GALNTL6: variants seen among roughly 807,000 people sequenced by gnomAD.
GALNTL6 encodes the protein polypeptide N-acetylgalactosaminyltransferase-like 6.
A neutral mutation model predicts 73.7 loss-of-function variants in GALNTL6; 46 were observed. The observed-to-expected ratio is 0.62, with a 90% confidence interval of 0.49 to 0.80. The LOEUF is 0.80. Ranked by LOEUF, GALNTL6 falls within the 30% of genes least tolerant of loss-of-function variation. The pLI is 0.00. For missense variants in GALNTL6, 604 were observed against 755.0 expected (o/e 0.80, Z 2.34); for synonymous variants, 259 against 263.7 (o/e 0.98, Z 0.17).
At chr4:172,800,313 G>T (rs934838755) in intron 5 of GALNTL6, among the ~76,000 whole-genome samples, 1 of 152,124 alleles carries the variant, frequency 6.6e-6, no homozygotes. Flanking sequence ...GTGAAATGAA[G>T]AAGTGATCTA....
chr4:172,355,615 A>G (rs574763688), intron 5 of GALNTL6, among the ~76,000 whole-genome samples: 1 of 152,272 alleles, frequency 6.6e-6, no homozygotes, highest in Admixed American at 6.5e-5. Context: ...GAAATAAGCA[A>G]AACATACTAT....
chr4:172,655,268 G>A (rs1730919732), intron 5 of GALNTL6, among the ~76,000 whole-genome samples: 1 of 152,070 alleles, frequency 6.6e-6, no homozygotes, highest in South Asian at 2.1e-4. Context: ...TGTTGTGTGT[G>A]TGCCTTTAAG....
At chr4:172,668,001 T>C (rs1731763602) in intron 5 of GALNTL6, 1 of 152,226 alleles carries the variant, frequency 6.6e-6, no homozygotes, top group Admixed American at 6.5e-5. Context: ...CTACTTATGA[T>C]AGCCTTCCCT....
chr4:171,984,589 G>A (rs1740009767), intron 2 of GALNTL6, among the ~76,000 whole-genome samples: 1 of 152,148 alleles, frequency 6.6e-6, no homozygotes, highest in African/African-American at 2.4e-5. Context: ...CCGCTCTGGA[G>A]TTTCTAAGTC....
chr4:172,318,009 A>G (rs1362363813), intron 4 of GALNTL6, among the ~76,000 whole-genome samples: 1 of 152,226 alleles, frequency 6.6e-6, no homozygotes, highest in East Asian at 1.9e-4. Flanking sequence ...AGCCTAGGGC[A>G]CATCTAAATA....
chr4:171,815,793 A>G (rs893269859), intron 2 of GALNTL6, among the ~76,000 whole-genome samples: 3 of 152,188 alleles, frequency 2.0e-5, no homozygotes, highest in Non-Finnish European at 2.9e-5. Context: ...TACTTAATGA[A>G]GTTTAATTTT....
chr4:172,559,128 G>A (rs1239532250), intron 5 of GALNTL6, among the ~76,000 whole-genome samples: 10 of 119,954 alleles, frequency 8.3e-5, no homozygotes, highest in African/African-American at 2.2e-4. Context: ...GTGCAGTCGC[G>A]ATCTCGGCTC....
intron 2 of GALNTL6, among the ~76,000 whole-genome samples, chr4:172,084,317 T>C (rs1178916038): frequency 1.3e-5 from 2 of 152,086 alleles, no homozygotes; most frequent in Non-Finnish European, 2.9e-5. Flanking sequence ...AGAATGCTGG[T>C]AAGAGGGAAA....
At chr4:173,010,637 C>A (rs1752506827) in intron 11 of GALNTL6, among the ~76,000 whole-genome samples, 1 of 151,816 alleles carries the variant, frequency 6.6e-6, no homozygotes, top group African/African-American at 2.4e-5. Context: ...GCTCTGTCAC[C>A]AGGCTGGAGT....
At chr4:172,142,678 A>G (rs1057373572) in intron 2 of GALNTL6, among the ~76,000 whole-genome samples, 3 of 152,174 alleles carry the variant, frequency 2.0e-5, no homozygotes, top group South Asian at 2.1e-4. Flanking sequence ...CATACCAATG[A>G]GTAATACTTT....
At chr4:172,693,907 A>G (rs1733484398) in intron 5 of GALNTL6, among the ~76,000 whole-genome samples, 1 of 152,224 alleles carries the variant, frequency 6.6e-6, no homozygotes, top group South Asian at 2.1e-4. Context: ...TTATTCAGTT[A>G]TAATGTAGTG....
chr4:172,008,793 TCCTTATGCAGAGCA>T (rs1740912126), intron 2 of GALNTL6, among the ~76,000 whole-genome samples: 1 of 152,090 alleles, frequency 6.6e-6, no homozygotes, highest in East Asian at 1.9e-4. Context: ...GCTTTCCACA[TCCTTATGCAGAGCA>T]AATCAACCCA....
intron 10 of GALNTL6, among the ~76,000 whole-genome samples, chr4:172,993,263 G>A (rs1162109397): frequency 1.3e-5 from 2 of 152,218 alleles, no homozygotes; most frequent in Non-Finnish European, 2.9e-5. Flanking sequence ...ACAGAGAAAA[G>A]GCTATGTAGG....
At chr4:172,175,366 T>G (rs1734957639) in intron 2 of GALNTL6, among the ~76,000 whole-genome samples, 1 of 152,074 alleles carries the variant, frequency 6.6e-6, no homozygotes. Context: ...CAAAGTGCTG[T>G]AATTATAGGT....
intron 2 of GALNTL6, among the ~76,000 whole-genome samples, chr4:171,822,981 A>G (rs768891188): frequency 3.9e-5 from 6 of 152,168 alleles, no homozygotes; most frequent in Admixed American, 1.3e-4. Flanking sequence ...AGGTTCTTCT[A>G]TATAACTGAA....
intron 5 of GALNTL6, among the ~76,000 whole-genome samples, chr4:172,763,004 CAA>C (rs66834819): frequency 2.7e-5 from 4 of 148,306 alleles, no homozygotes; most frequent in East Asian, 2.0e-4. Flanking sequence ...TCATTGCAGA[CAA>C]AAAAAAAAAT....
intron 2 of GALNTL6, among the ~76,000 whole-genome samples, chr4:172,042,344 C>A (rs935149939): frequency 1.3e-5 from 2 of 152,018 alleles, no homozygotes; most frequent in East Asian, 1.9e-4. Flanking sequence ...AGATACTGAC[C>A]TTGATGTTTC....
intron 3 of GALNTL6, among the ~76,000 whole-genome samples, chr4:172,275,067 G>A (rs1283462425): frequency 1.3e-5 from 2 of 152,134 alleles, no homozygotes; most frequent in Non-Finnish European, 2.9e-5. Context: ...CATTTTCCCA[G>A]AACAGATCTA....
chr4:172,335,555 G>C (rs1741284640), intron 4 of GALNTL6, among the ~76,000 whole-genome samples: 1 of 152,108 alleles, frequency 6.6e-6, no homozygotes, highest in African/African-American at 2.4e-5. Flanking sequence ...GTAGAATTTG[G>C]CTGTGAATTC....
Sources: allele counts gnomAD v4.1 joint callset (sites outside exome capture counted in the v4.1 genomes callset), GRCh38; gene constraint gnomAD v4.1.1; transcripts MANE v1.5; gene names NCBI Gene and HGNC (gene_info 2026-07-23, HGNC 2026-07-21).